FMNL2: variants seen among roughly 807,000 people sequenced by gnomAD.
The protein encoded by FMNL2 is formin like 2.
Under a neutral mutation model 130.2 loss-of-function variants are expected in FMNL2, and 51 were observed. The ratio of observed to expected loss-of-function variants is 0.39; its 90% CI spans 0.31 to 0.49. The LOEUF is 0.49. Ranked by LOEUF, FMNL2 falls within the 20% of genes least tolerant of loss-of-function variation. The probability of loss-of-function intolerance (pLI) is 0.85; values close to 1 mark genes in which losing one functional copy is unlikely to be tolerated. For synonymous variants in FMNL2, 465 were observed against 467.1 expected, an observed-to-expected ratio of 1.00 and a Z score of 0.06; for missense variants, 977 against 1,316.2, an observed-to-expected ratio of 0.74 and a Z score of 3.99.
chr2:152,574,040 A>C (rs1279460898), intron 6 of FMNL2, among the ~76,000 whole-genome samples: 1 of 146,752 alleles, frequency 6.8e-6, no homozygotes, highest in African/African-American at 2.8e-5. Context: ...AAATAATGAC[A>C]GGGACATTTT....
intron 9 of FMNL2, among the ~76,000 whole-genome samples, chr2:152,607,015 T>TG (rs1271596594): frequency 7.4e-6 from 1 of 135,622 alleles, no homozygotes; most frequent in African/African-American, 2.6e-5. Flanking sequence ...TGTTTTTTTT[T>TG]TTTTTTTTTA....
At chr2:152,344,145 A>C (rs1327615488) in intron 1 of FMNL2, among the ~76,000 whole-genome samples, 1 of 152,142 alleles carries the variant, frequency 6.6e-6, no homozygotes, top group Non-Finnish European at 1.5e-5. Context: ...GAGCAAGACT[A>C]TCTCTAAAAC....
intron 1 of FMNL2, among the ~76,000 whole-genome samples, chr2:152,345,343 A>T (rs1422051575): frequency 6.6e-6 from 1 of 152,244 alleles, no homozygotes. Flanking sequence ...AATAAATTGA[A>T]TAAAAAAGGA....
intron 1 of FMNL2, among the ~76,000 whole-genome samples, chr2:152,399,949 T>C (rs1685595966): frequency 6.6e-6 from 1 of 152,114 alleles, no homozygotes; most frequent in South Asian, 2.1e-4. Flanking sequence ...GGTTTGAACC[T>C]GGGTCCTGGG....
At chr2:152,632,688 C>T (rs1019753178) in intron 21 of FMNL2, among the ~76,000 whole-genome samples, 1 of 152,078 alleles carries the variant, frequency 6.6e-6, no homozygotes, top group Non-Finnish European at 1.5e-5. Flanking sequence ...TGAGATTTTT[C>T]GAGGTTAAAT....
intron 9 of FMNL2, among the ~76,000 whole-genome samples, chr2:152,589,997 GTA>G (rs1325819402): frequency 1.5e-4 from 10 of 66,002 alleles, no homozygotes; most frequent in African/African-American, 3.7e-4. Context: ...ATATGTATAT[GTA>G]TATATATATA....
intron 25 of FMNL2, chr2:152,645,307 G>A: frequency 2.4e-6 from 1 of 415,672 alleles, no homozygotes; most frequent in Non-Finnish European, 4.4e-6. Context: ...TTGTAGTAAT[G>A]GCTTCTCATT....
intron 23 of FMNL2, 73 bp from the exon 24 acceptor site, chr2:152,639,885 G>A: frequency 1.5e-6 from 2 of 1,336,170 alleles, no homozygotes; most frequent in Admixed American, 2.5e-5. Flanking sequence ...GATGCTTGAA[G>A]AATGACTTTA....
chr2:152,523,683 G>A (rs1693228308), intron 2 of FMNL2, among the ~76,000 whole-genome samples: 1 of 152,180 alleles, frequency 6.6e-6, no homozygotes, highest in African/African-American at 2.4e-5. Context: ...CACAATAAAT[G>A]CTTTCTCATG....
At chr2:152,553,086 A>G (rs1390045077) in intron 4 of FMNL2, among the ~76,000 whole-genome samples, 2 of 152,122 alleles carry the variant, frequency 1.3e-5, no homozygotes, top group African/African-American at 4.8e-5. Context: ...TTTGTAGAAA[A>G]GGGAAGATGC....
At chr2:152,433,485 C>G (rs1054681547) in intron 1 of FMNL2, among the ~76,000 whole-genome samples, 7 of 152,206 alleles carry the variant, frequency 4.6e-5, no homozygotes, top group Non-Finnish European at 1.0e-4. Flanking sequence ...CTTCCCACCA[C>G]TGGACTCTGG....
At chr2:152,557,514 A>G (rs1370163115) in intron 4 of FMNL2, among the ~76,000 whole-genome samples, 1 of 152,212 alleles carries the variant, frequency 6.6e-6, no homozygotes, top group South Asian at 2.1e-4. Flanking sequence ...GGTTTGCATC[A>G]TGGAGATGAC....
At chr2:152,454,168 T>C (rs537340769) in intron 1 of FMNL2, among the ~76,000 whole-genome samples, 25 of 152,202 alleles carry the variant, frequency 1.6e-4, no homozygotes, top group African/African-American at 2.4e-4. Context: ...TCTCAGCTAC[T>C]TGGGAGGCTG....
intron 2 of FMNL2, among the ~76,000 whole-genome samples, chr2:152,522,854 A>G (rs6760321): frequency 0.22 from 33,697 of 152,098 alleles, 4,096 homozygotes; most frequent in Middle Eastern, 0.3. Context: ...AACATACTTT[A>G]TGGTTTGAAT....
chr2:152,398,329 C>G (rs992888047), intron 1 of FMNL2, among the ~76,000 whole-genome samples: 1 of 152,094 alleles, frequency 6.6e-6, no homozygotes, highest in Non-Finnish European at 1.5e-5. Flanking sequence ...GGCTAAGTAC[C>G]TAATTTGTAA....
intron 1 of FMNL2, among the ~76,000 whole-genome samples, chr2:152,353,979 C>T (rs1473262632): frequency 6.6e-6 from 1 of 152,164 alleles, no homozygotes; most frequent in Non-Finnish European, 1.5e-5. Context: ...ACCTACTGAC[C>T]TTCTGTGATA....
chr2:152,587,084 A>G (rs1178764214), intron 9 of FMNL2, among the ~76,000 whole-genome samples: 4 of 152,062 alleles, frequency 2.6e-5, no homozygotes, highest in South Asian at 2.1e-4. Context: ...TCCATGTAGA[A>G]CTCCACGTGG....
chr2:152,460,173 C>CTG (rs1398292045), intron 1 of FMNL2, among the ~76,000 whole-genome samples: 1 of 152,076 alleles, frequency 6.6e-6, no homozygotes, highest in African/African-American at 2.4e-5. Flanking sequence ...ATATTATGTT[C>CTG]ATTTGGTGGT....
chr2:152,417,441 C>T (rs1044595749), intron 1 of FMNL2, among the ~76,000 whole-genome samples: 2 of 152,154 alleles, frequency 1.3e-5, no homozygotes, highest in African/African-American at 4.8e-5. Flanking sequence ...GGTTAACAGC[C>T]TTGTTGGTTG....
Sources: gnomAD v4.1 joint callset for allele counts (sites outside exome capture counted in the v4.1 genomes callset) on GRCh38, gnomAD v4.1.1 for gene constraint, MANE v1.5 for transcripts, NCBI Gene and HGNC (gene_info 2026-07-23, HGNC 2026-07-21) for gene names.